Variants in ATRNL1 observed in about 807,000 individuals in gnomAD.
The protein encoded by ATRNL1 is attractin like 1, also known as attractin-like protein 1.
A neutral mutation model predicts 182.7 loss-of-function variants in ATRNL1; 95 were observed. The ratio of observed to expected loss-of-function variants is 0.52; its 90% CI spans 0.44 to 0.62. ATRNL1 has a LOEUF of 0.62. ATRNL1 is among the 20% of genes least tolerant of loss of function. ATRNL1 has a pLI of 0.00. For missense variants in ATRNL1, 1,471 were observed against 1,679.5 expected, an observed-to-expected ratio of 0.88 and a Z score of 2.17; for synonymous variants, 576 against 568.3, an observed-to-expected ratio of 1.01 and a Z score of -0.19.
intron 24 of ATRNL1, among the ~76,000 whole-genome samples, chr10:115,477,758 T>G (rs1253685808): frequency 6.6e-6 from 1 of 151,666 alleles, no homozygotes; most frequent in Non-Finnish European, 1.5e-5. Flanking sequence ...AAGACTATCC[T>G]TCTGAAATCA....
intron 19 of ATRNL1, among the ~76,000 whole-genome samples, chr10:115,362,470 A>G (rs1297992185): frequency 1.3e-5 from 2 of 151,832 alleles, no homozygotes; most frequent in Admixed American, 6.6e-5. Context: ...ATTTTTTGTT[A>G]TGAGAACATT....
At chr10:115,282,385 T>A (rs1177822529) in intron 14 of ATRNL1, among the ~76,000 whole-genome samples, 1 of 151,060 alleles carries the variant, frequency 6.6e-6, no homozygotes, top group Non-Finnish European at 1.5e-5. Flanking sequence ...ATCAGGTATA[T>A]CTCCCAATGC....
At chr10:115,137,405 G>A (rs1845562967) in intron 5 of ATRNL1, among the ~76,000 whole-genome samples, 1 of 152,200 alleles carries the variant, frequency 6.6e-6, no homozygotes, top group South Asian at 2.1e-4. Flanking sequence ...CTGCCTTGCA[G>A]CTAGTATGGC....
intron 19 of ATRNL1, among the ~76,000 whole-genome samples, chr10:115,369,549 T>G (rs993665171): frequency 1.4e-4 from 21 of 152,216 alleles, no homozygotes; most frequent in Non-Finnish European, 2.6e-4. Flanking sequence ...TGCATATATC[T>G]CTTTGAAAAT....
chr10:115,492,196 C>G (rs1849333650), intron 24 of ATRNL1, among the ~76,000 whole-genome samples: 1 of 152,122 alleles, frequency 6.6e-6, no homozygotes, highest in South Asian at 2.1e-4. Context: ...GGCCATCTTG[C>G]TAGCAAATCG....
At chr10:115,602,853 C>CAAAAAA (rs34414579) in intron 26 of ATRNL1, among the ~76,000 whole-genome samples, 5 of 126,656 alleles carry the variant, frequency 3.9e-5, no homozygotes, top group Admixed American at 8.1e-5. Flanking sequence ...GACTCCGTCT[C>CAAAAAA]AAAAAAAAAA....
intron 26 of ATRNL1, among the ~76,000 whole-genome samples, chr10:115,586,638 T>C (rs1421575747): frequency 4.3e-5 from 5 of 116,860 alleles, no homozygotes; most frequent in African/African-American, 1.4e-4. Context: ...TATTGGTTAT[T>C]CTAGTTATAC....
At chr10:115,658,208 G>C (rs1555036623) in intron 26 of ATRNL1, among the ~76,000 whole-genome samples, 1 of 144,702 alleles carries the variant, frequency 6.9e-6, no homozygotes. Flanking sequence ...CCATTCTCCT[G>C]CCTCAGTCTC....
rs1473969954 is a variant in ATRNL1 at position 115,228,289 on chromosome 10, G to C, written c.1532+12409G>C. ...TTCGTTACATTTAATAAGTAAGAGA[G>C]AATAAACATCTTGAACTTATAGGAG... On this transcript the variant is annotated intron_variant, in intron 9 of 28. Coordinates refer to ENST00000355044, the MANE Select transcript of ATRNL1 (RefSeq NM_207303.4). Among the ~76,000 whole-genome samples, 3 of 152,120 alleles carry C rather than the reference G, an allele frequency of 2.0e-5. No individual in the cohort carries two copies. In the East Asian group the frequency reaches 5.8e-4, roughly 29 times the overall value.
intron 5 of ATRNL1, among the ~76,000 whole-genome samples, chr10:115,159,535 T>A (rs2143990960): frequency 6.6e-6 from 1 of 151,770 alleles, no homozygotes; most frequent in Non-Finnish European, 1.5e-5. Context: ...AAAAATGTAA[T>A]CTTTTTTATG....
At chr10:115,913,810 C>G (rs1183440715) in intron 28 of ATRNL1, among the ~76,000 whole-genome samples, 1 of 152,136 alleles carries the variant, frequency 6.6e-6, no homozygotes, top group Non-Finnish European at 1.5e-5. Flanking sequence ...CATGGATGCC[C>G]CCAAACTGTG....
intron 21 of ATRNL1, among the ~76,000 whole-genome samples, chr10:115,461,654 T>C (rs1847802334): frequency 2.0e-5 from 3 of 152,108 alleles, no homozygotes; most frequent in Admixed American, 2.0e-4. Context: ...TTTTATTTTA[T>C]TCACTTACTT....
intron 15 of ATRNL1, among the ~76,000 whole-genome samples, chr10:115,289,601 T>C (rs1396879946): frequency 1.3e-5 from 2 of 152,156 alleles, no homozygotes; most frequent in African/African-American, 4.8e-5. Flanking sequence ...CTAATGCATA[T>C]AGAGATCCAG....
chr10:115,878,037 C>G (rs1050805788), intron 28 of ATRNL1, among the ~76,000 whole-genome samples: 1 of 152,148 alleles, frequency 6.6e-6, no homozygotes, highest in East Asian at 1.9e-4. Flanking sequence ...GTAGAAGTGG[C>G]CCAGGGCTAG....
chr10:115,207,172 A>G (rs2144351028), intron 8 of ATRNL1, among the ~76,000 whole-genome samples: 1 of 152,294 alleles, frequency 6.6e-6, no homozygotes, highest in South Asian at 2.1e-4. Context: ...TCTTTATAGT[A>G]GCATGATTTA....
intron 21 of ATRNL1, among the ~76,000 whole-genome samples, chr10:115,449,923 C>G (rs1554967338): frequency 6.6e-6 from 1 of 152,140 alleles, no homozygotes; most frequent in African/African-American, 2.4e-5. Flanking sequence ...CCAAATCCAG[C>G]AGCACATCAA....
rs537899895 is a variant in ATRNL1, at chr10:115,147,547, C to A, written c.830-12493C>A. Among the ~76,000 whole-genome samples, 4 of 152,234 alleles carry A rather than the reference C, an allele frequency of 2.6e-5. No homozygotes were observed. In the South Asian group the frequency reaches 8.3e-4, roughly 32 times the overall value. ...TTAGCCAAAAAATCTTTGCCTAGGT[C>A]AATGTCTCAAAGCATTTTGCCTATG... On this transcript the variant is annotated intron_variant, in intron 5 of 28. Coordinates refer to ENST00000355044, the MANE Select transcript of ATRNL1 (RefSeq NM_207303.4).
rs1280870352 is a variant in ATRNL1, at chr10:115,122,954, C to G, written c.491+1142C>G. Among the ~76,000 whole-genome samples the G allele has an allele frequency of 2.6e-5, 4 of 152,106 alleles. No individual in the cohort carries two copies. The East Asian group carries it at 7.7e-4, about 29-fold the overall frequency. On this transcript the variant is annotated intron_variant, in intron 3 of 28. Coordinates refer to ENST00000355044, the MANE Select transcript of ATRNL1 (RefSeq NM_207303.4). ...CATTTATTTTTAGCAATTTAAACAT[C>G]ACTTTGCTATCTTTACTCTATTTTT...
chr10:115,386,700 C>G (rs1442568785), intron 19 of ATRNL1, among the ~76,000 whole-genome samples: 1 of 151,350 alleles, frequency 6.6e-6, no homozygotes, highest in Non-Finnish European at 1.5e-5. Flanking sequence ...TTTTAGGATA[C>G]ATGTGCACAA....
Sources: gnomAD v4.1 joint callset for allele counts (sites outside exome capture counted in the v4.1 genomes callset) on GRCh38, gnomAD v4.1.1 for gene constraint, MANE v1.5 for transcripts, NCBI Gene and HGNC (gene_info 2026-07-23, HGNC 2026-07-21) for gene names.